CMTM8: variants seen among roughly 807,000 people sequenced by gnomAD.
CMTM8 encodes CKLF like MARVEL transmembrane domain containing 8, also known as CKLF-like MARVEL transmembrane domain-containing protein 8.
In CMTM8, 12 loss-of-function variants were observed where a neutral mutation model predicts 18.6. That is an observed-to-expected ratio of 0.65 (90% CI 0.41 to 1.05). CMTM8 has a LOEUF of 1.05. Ranked by LOEUF, CMTM8 falls within the 50% of genes least tolerant of loss-of-function variation. The pLI, the probability that CMTM8 is intolerant of heterozygous loss-of-function variation, is 0.00. For synonymous variants in CMTM8, 87 were observed against 90.6 expected (o/e 0.96, Z 0.23); for missense variants, 217 against 227.2 (o/e 0.95, Z 0.29).
intron 1 of CMTM8, among the ~76,000 whole-genome samples, chr3:32,280,048 T>A (rs560934850): frequency 6.6e-6 from 1 of 152,288 alleles, no homozygotes; most frequent in East Asian, 1.9e-4. Context: ...AGTGATTTTT[T>A]TAAGAAACCA....
At chr3:32,264,070 C>G (rs1184485397) in intron 1 of CMTM8, among the ~76,000 whole-genome samples, 1 of 152,104 alleles carries the variant, frequency 6.6e-6, no homozygotes, top group Non-Finnish European at 1.5e-5. Flanking sequence ...GCAAGGCAGG[C>G]CAACATTCAA....
At chr3:32,247,606 G>A (rs1178780605) in intron 1 of CMTM8, among the ~76,000 whole-genome samples, 2 of 152,112 alleles carry the variant, frequency 1.3e-5, no homozygotes, top group Admixed American at 6.5e-5. Flanking sequence ...GATTACAGGC[G>A]TGCACCACCA....
chr3:32,318,802 C>T (rs1477886438), intron 1 of CMTM8, among the ~76,000 whole-genome samples: 1 of 150,780 alleles, frequency 6.6e-6, no homozygotes, highest in Non-Finnish European at 1.5e-5. Flanking sequence ...CTCCTGACCT[C>T]GTGATCCACC....
intron 1 of CMTM8, among the ~76,000 whole-genome samples, chr3:32,275,195 T>G (rs951150382): frequency 4.6e-5 from 7 of 151,590 alleles, no homozygotes; most frequent in African/African-American, 1.7e-4. Context: ...TTTTTTTTTT[T>G]GTGGAGACAG....
chr3:32,246,961 C>T (rs1157867170), intron 1 of CMTM8, among the ~76,000 whole-genome samples: 1 of 151,986 alleles, frequency 6.6e-6, no homozygotes, highest in Admixed American at 6.6e-5. Flanking sequence ...ATCAGCTGGG[C>T]GTAGTGGCAG....
chr3:32,335,080 G>A (rs1233473163), intron 1 of CMTM8, among the ~76,000 whole-genome samples: 1 of 152,176 alleles, frequency 6.6e-6, no homozygotes, highest in African/African-American at 2.4e-5. Flanking sequence ...CTGAGTAATA[G>A]CATACCTTTG....
At chr3:32,295,467 A>AG (rs1236775676) in intron 1 of CMTM8, among the ~76,000 whole-genome samples, 1 of 141,456 alleles carries the variant, frequency 7.1e-6, no homozygotes, top group East Asian at 2.0e-4. Context: ...AAAAAAAAAA[A>AG]AAAAAAAAAA....
intron 1 of CMTM8, among the ~76,000 whole-genome samples, chr3:32,255,247 T>C (rs1702161739): frequency 6.6e-6 from 1 of 152,202 alleles, no homozygotes; most frequent in Admixed American, 6.5e-5. Context: ...TTTGTGTGGA[T>C]ACATATTTTT....
intron 1 of CMTM8, among the ~76,000 whole-genome samples, chr3:32,325,376 T>C (rs1204738247): frequency 6.6e-6 from 1 of 152,210 alleles, no homozygotes; most frequent in East Asian, 1.9e-4. Context: ...TCCACAATTG[T>C]CAGTGCAGAT....
At chr3:32,357,587 C>T (rs372393800) in intron 2 of CMTM8, 41 bp downstream of exon 2, 29 of 1,592,872 alleles carry the variant, frequency 1.8e-5, no homozygotes, top group South Asian at 3.4e-5. Context: ...AGTGCCCACT[C>T]GGTAGATGGC....
chr3:32,241,855 G>T (rs60175115), intron 1 of CMTM8, among the ~76,000 whole-genome samples: 6,415 of 152,272 alleles, frequency 0.042, 282 homozygotes, highest in East Asian at 0.2. Flanking sequence ...TTGCCCTGGT[G>T]TTAGTAATTC....
chr3:32,245,227 C>T (rs1323050090), intron 1 of CMTM8, among the ~76,000 whole-genome samples: 1 of 152,196 alleles, frequency 6.6e-6, no homozygotes, highest in Non-Finnish European at 1.5e-5. Flanking sequence ...AAACAAAATA[C>T]TGAGACAAAG....
chr3:32,299,593 A>G (rs1184231471), intron 1 of CMTM8, among the ~76,000 whole-genome samples: 2 of 152,178 alleles, frequency 1.3e-5, no homozygotes, highest in African/African-American at 4.8e-5. Context: ...TGAGGTATCT[A>G]TTCCCTCATG....
chr3:32,344,528 C>T (rs545296176), intron 1 of CMTM8, among the ~76,000 whole-genome samples: 21 of 152,302 alleles, frequency 1.4e-4, no homozygotes, highest in African/African-American at 4.8e-4. Context: ...CTCTGAGCAG[C>T]AGAATTGCTG....
At chr3:32,323,834 A>G (rs552711387) in intron 1 of CMTM8, among the ~76,000 whole-genome samples, 40 of 152,246 alleles carry the variant, frequency 2.6e-4, no homozygotes, top group Non-Finnish European at 5.1e-4. Context: ...CGTGGATAAA[A>G]TCAACACTAT....
intron 1 of CMTM8, among the ~76,000 whole-genome samples, chr3:32,251,054 G>T (rs1480374535): frequency 6.6e-6 from 1 of 152,114 alleles, no homozygotes; most frequent in Admixed American, 6.6e-5. Flanking sequence ...TCCTAATGGT[G>T]TTTCAGCATA....
intron 1 of CMTM8, among the ~76,000 whole-genome samples, chr3:32,244,441 C>T (rs1701984946): frequency 6.6e-6 from 1 of 152,230 alleles, no homozygotes. Flanking sequence ...CTCCTTAGGC[C>T]TCCAAAAACA....
chr3:32,363,590 A>G (rs1696976081), intron 2 of CMTM8, among the ~76,000 whole-genome samples: 1 of 152,224 alleles, frequency 6.6e-6, no homozygotes, highest in African/African-American at 2.4e-5. Context: ...CAGCTCTGCC[A>G]CAGACGAAGC....
At chr3:32,286,488 C>T (rs1702688747) in intron 1 of CMTM8, among the ~76,000 whole-genome samples, 1 of 152,106 alleles carries the variant, frequency 6.6e-6, no homozygotes, top group East Asian at 1.9e-4. Context: ...AGTTAATGTT[C>T]CCCACAAAAC....
Sources: allele counts gnomAD v4.1 joint callset (sites outside exome capture counted in the v4.1 genomes callset), GRCh38; gene constraint gnomAD v4.1.1; transcripts MANE v1.5; gene names NCBI Gene and HGNC (gene_info 2026-07-23, HGNC 2026-07-21).